The following CPS1 variants were observed in gnomAD, a reference collection of about 807,000 sequenced individuals.
CPS1 encodes the protein carbamoyl-phosphate synthase [ammonia], mitochondrial.
Under a neutral mutation model 174.6 loss-of-function variants are expected in CPS1, and 109 were observed. The ratio of observed to expected loss-of-function variants is 0.62; its 90% CI spans 0.53 to 0.73. The LOEUF is 0.73. Among genes scored for constraint, CPS1 ranks in the 30% least tolerant of loss-of-function variants. CPS1 has a pLI of 0.00. For synonymous variants in CPS1, 637 were observed against 632.0 expected (o/e 1.01, Z -0.12); for missense variants, 1,689 against 1,821.9 (o/e 0.93, Z 1.33).
chr2:210,614,659 A>G (rs1012859831), intron 20 of CPS1, among the ~76,000 whole-genome samples: 1 of 151,996 alleles, frequency 6.6e-6, no homozygotes, highest in African/African-American at 2.4e-5. Context: ...AGTGATGATG[A>G]GCTTTTAAAT....
intron 1 of CPS1, among the ~76,000 whole-genome samples, chr2:210,561,531 G>C (rs191545293): frequency 2.0e-5 from 3 of 152,086 alleles, no homozygotes; most frequent in African/African-American, 7.2e-5. Flanking sequence ...TTTCCAACCT[G>C]TTCCAAAAAT....
chr2:210,656,061 A>G (rs371836528), intron 29 of CPS1, among the ~76,000 whole-genome samples: 2 of 152,258 alleles, frequency 1.3e-5, no homozygotes, highest in East Asian at 3.9e-4. Context: ...TCCTCTTTCA[A>G]ACTTCCATTT....
At chr2:210,673,825 G>A (rs1485991158) in intron 34 of CPS1, 7 of 152,014 alleles carry the variant, frequency 4.6e-5, no homozygotes, top group Non-Finnish European at 8.8e-5. Flanking sequence ...AACAGATGAG[G>A]AAACTGCATC....
intron 1 of CPS1, among the ~76,000 whole-genome samples, chr2:210,485,743 T>C (rs1694699114): frequency 6.6e-6 from 1 of 152,152 alleles, no homozygotes; most frequent in African/African-American, 2.4e-5. Context: ...AAGTAACATG[T>C]TCATACTTTG....
At chr2:210,610,392 C>A (rs369905357) in intron 19 of CPS1, among the ~76,000 whole-genome samples, 13 of 151,702 alleles carry the variant, frequency 8.6e-5, no homozygotes, top group Admixed American at 7.9e-4. Context: ...TCTTACTAAA[C>A]GCAAGACACT....
intron 1 of CPS1, among the ~76,000 whole-genome samples, chr2:210,526,584 C>T (rs1285317018): frequency 2.6e-5 from 4 of 151,748 alleles, no homozygotes; most frequent in Non-Finnish European, 4.4e-5. Flanking sequence ...TGGGGCCTGC[C>T]GCATAGTAGA....
intron 1 of CPS1, among the ~76,000 whole-genome samples, chr2:210,538,270 A>G (rs1049484680): frequency 1.1e-4 from 16 of 152,266 alleles, no homozygotes; most frequent in Admixed American, 8.5e-4. Context: ...CTATTATAAT[A>G]AAGTCTGTAT....
intron 33 of CPS1, among the ~76,000 whole-genome samples, chr2:210,666,868 T>G (rs1187933666): frequency 6.6e-6 from 1 of 152,290 alleles, no homozygotes; most frequent in Admixed American, 6.5e-5. Context: ...GTGAAGAAAA[T>G]CACTGGTAGC....
chr2:210,616,310 C>G (rs1405075095), intron 20 of CPS1, 113 bp from the exon 21 acceptor site: 2 of 765,348 alleles, frequency 2.6e-6, no homozygotes, highest in East Asian at 5.0e-5. Context: ...ACTCAGTCTA[C>G]AGTCTCGGGC....
At chr2:210,477,896 T>G in intron 1 of CPS1, 2 of 980,284 alleles carry the variant, frequency 2.0e-6, no homozygotes. Flanking sequence ...AGGCTATCCA[T>G]TTATCCCACT....
At chr2:210,564,457 G>T (rs1322545833) in intron 1 of CPS1, among the ~76,000 whole-genome samples, 1 of 151,872 alleles carries the variant, frequency 6.6e-6, no homozygotes, top group Non-Finnish European at 1.5e-5. Context: ...CTCACTGCAA[G>T]GTCCGCCTCC....
chr2:210,639,966 T>TTCTGCA (rs1700166173), intron 23 of CPS1, 30 bp from the exon 24 acceptor site: 1 of 1,506,148 alleles, frequency 6.6e-7, no homozygotes, highest in African/African-American at 1.4e-5. Flanking sequence ...ACTTAATGAT[T>TTCTGCA]TCTGCATCTT....
intron 21 of CPS1, among the ~76,000 whole-genome samples, chr2:210,627,965 A>C (rs1269363454): frequency 6.6e-6 from 1 of 151,996 alleles, no homozygotes; most frequent in South Asian, 2.1e-4. Flanking sequence ...CACTTGCCAC[A>C]TTTATTATTT....
chr2:210,600,785 C>G (rs1054682695), intron 15 of CPS1, 73 bp downstream of exon 15: 1 of 1,455,850 alleles, frequency 6.9e-7, no homozygotes, highest in African/African-American at 1.4e-5. Context: ...TTTTTCATGC[C>G]TAATAATAAT....
chr2:210,556,640 C>T lies in CPS1; in HGVS notation c.-94C>T. 6.4e-7 allele frequency: 1 copy of T among 1,572,680 alleles called. No individual in the cohort carries two copies. Among genetic ancestry groups the T allele is most frequent in the Non-Finnish European group, 8.6e-7 (1 of 1,158,898 alleles). On this transcript the variant is annotated 5_prime_UTR_variant, in exon 1 of 38. Coordinates refer to ENST00000233072, the MANE Select transcript of CPS1 (RefSeq NM_001875.5). ...TCAGCCTTAAACACTGACTGCACCC[C>T]TCCCAGATTTCTTTTACATTAACTA...
intron 13 of CPS1, among the ~76,000 whole-genome samples, chr2:210,597,238 A>G (rs911787494): frequency 6.6e-6 from 1 of 151,842 alleles, no homozygotes; most frequent in Non-Finnish European, 1.5e-5. Flanking sequence ...TTATAAAAGC[A>G]TTTGCTTACC....
In CPS1 at chr2:210,594,585, A is replaced by C. The variant is rs748923975; in HGVS notation, c.1242A>C (p.Ala414=). The change falls in exon 12 of 38, where the codon GCA becomes GCC. Residue 414 remains alanine, a synonymous_variant. Transcript: ENST00000233072. ...TTITSVLPKP[A]LVASRVEVSK... The stretch of plus-strand genomic sequence containing the variant: ...TTACATCAGTCTTACCGAAGCCAGC[A>C]CTAGTTGCATCTCGGGTTGAGGTCA... 6.2e-7 allele frequency: 1 copy of C among 1,611,188 alleles called. No individual in the cohort carries two copies. The highest frequency in any genetic ancestry group is 2.2e-5 in the East Asian group (1 of 44,684).
chr2:210,598,268 C>A (rs1293843072), intron 13 of CPS1, among the ~76,000 whole-genome samples: 1 of 151,812 alleles, frequency 6.6e-6, no homozygotes, highest in African/African-American at 2.4e-5. Flanking sequence ...TGCACGTAGA[C>A]ACACAGACCA....
chr2:210,663,981 T>C (rs1237474836), intron 33 of CPS1, among the ~76,000 whole-genome samples: 1 of 152,150 alleles, frequency 6.6e-6, no homozygotes, highest in Non-Finnish European at 1.5e-5. Context: ...AAATACTTAA[T>C]TGCAACAAAG....
Sources: allele counts gnomAD v4.1 joint callset (sites outside exome capture counted in the v4.1 genomes callset), GRCh38; gene constraint gnomAD v4.1.1; transcripts MANE v1.5; gene names NCBI Gene and HGNC (gene_info 2026-07-23, HGNC 2026-07-21).